ZNRF3: variants seen among roughly 807,000 people sequenced by gnomAD.
The protein encoded by ZNRF3 is E3 ubiquitin-protein ligase ZNRF3.
ZNRF3 carries 23 observed loss-of-function variants against 72.5 expected under a neutral mutation model. The observed-to-expected ratio is 0.32, with a 90% CI of 0.23 to 0.45. The LOEUF (loss-of-function observed/expected upper bound fraction) is 0.45, where lower values mean the gene tolerates loss of function less well. Among genes scored for constraint, ZNRF3 ranks in the 20% least tolerant of loss-of-function variants. ZNRF3 has a pLI of 1.00. For synonymous variants in ZNRF3, 610 were observed against 545.3 expected, an observed-to-expected ratio of 1.12 and a Z score of -1.65; for missense variants, 1,169 against 1,272.1, an observed-to-expected ratio of 0.92 and a Z score of 1.23.
chr22:28,942,420 A>T (rs891087984), intron 1 of ZNRF3, among the ~76,000 whole-genome samples: 4 of 152,182 alleles, frequency 2.6e-5, no homozygotes, highest in African/African-American at 7.2e-5. Flanking sequence ...TAAGTGACAA[A>T]TGCAAGCTTT....
chr22:29,046,491 G>T (rs2037072435), intron 5 of ZNRF3, among the ~76,000 whole-genome samples: 1 of 152,170 alleles, frequency 6.6e-6, no homozygotes, highest in African/African-American at 2.4e-5. Flanking sequence ...AGAGACCCCT[G>T]CTAGTCTTGC....
At chr22:29,006,460 C>T (rs1306984898) in intron 2 of ZNRF3, among the ~76,000 whole-genome samples, 1 of 152,138 alleles carries the variant, frequency 6.6e-6, no homozygotes, top group Admixed American at 6.5e-5. Flanking sequence ...GATCTGCCTG[C>T]CTCGTCCTCC....
rs2034071276 is a variant in ZNRF3 at position 28,899,835 on chromosome 22, G to A, written c.300+15769G>A. ...CTCCCAAGTAGCTGGGACCACAGGC[G>A]TGCACCACCATGCCCAGCTAATTTT... On this transcript the variant is annotated intron_variant, in intron 1 of 8. Coordinates refer to ENST00000544604, the MANE Select transcript of ZNRF3 (RefSeq NM_001206998.2). Among the ~76,000 whole-genome samples, 5 of 151,824 alleles carry A rather than the reference G, an allele frequency of 3.3e-5. No homozygotes were observed. In the South Asian group the frequency reaches 6.3e-4, roughly 19 times the overall value.
intron 1 of ZNRF3, among the ~76,000 whole-genome samples, chr22:28,898,889 A>G (rs1012678495): frequency 7.4e-5 from 11 of 148,168 alleles, no homozygotes; most frequent in South Asian, 2.1e-4. Context: ...GAAATTATTG[A>G]ATTATTGCTT....
intron 1 of ZNRF3, among the ~76,000 whole-genome samples, chr22:28,982,398 G>C (rs939766362): frequency 6.9e-5 from 9 of 131,086 alleles, no homozygotes; most frequent in Admixed American, 2.6e-4. Flanking sequence ...AGGAGTTCAA[G>C]ACCAGCCTGG....
intron 1 of ZNRF3, among the ~76,000 whole-genome samples, chr22:28,942,004 G>A (rs1344275876): frequency 6.6e-6 from 1 of 152,158 alleles, no homozygotes; most frequent in African/African-American, 2.4e-5. Flanking sequence ...AAACCAGACT[G>A]CATAAGTCTT....
intron 1 of ZNRF3, among the ~76,000 whole-genome samples, chr22:28,985,577 C>T (rs1248849068): frequency 1.3e-5 from 2 of 152,186 alleles, no homozygotes; most frequent in African/African-American, 4.8e-5. Flanking sequence ...TAGTCTTTCC[C>T]TGTCAGATGG....
At chr22:29,010,348 A>G (rs1601660512) in intron 2 of ZNRF3, among the ~76,000 whole-genome samples, 1 of 151,832 alleles carries the variant, frequency 6.6e-6, no homozygotes, top group South Asian at 2.1e-4. Context: ...GGAGTCGTGT[A>G]TTTGTCCTTT....
chr22:28,959,101 C>G (rs992154394), intron 1 of ZNRF3, among the ~76,000 whole-genome samples: 19 of 152,192 alleles, frequency 1.2e-4, no homozygotes, highest in Non-Finnish European at 2.8e-4. Context: ...GGTGAGAATT[C>G]TGGTTTTGTT....
At chr22:29,001,730 C>T (rs894198558) in intron 2 of ZNRF3, among the ~76,000 whole-genome samples, 1 of 152,170 alleles carries the variant, frequency 6.6e-6, no homozygotes, top group African/African-American at 2.4e-5. Flanking sequence ...ACCTTGGCCT[C>T]CCAAAGTGCT....
At chr22:28,900,788 C>T (rs867271439) in intron 1 of ZNRF3, among the ~76,000 whole-genome samples, 8 of 152,274 alleles carry the variant, frequency 5.3e-5, no homozygotes, top group Middle Eastern at 3.4e-3. Context: ...AACCTCCTTC[C>T]GGGCAGGGTT....
intron 1 of ZNRF3, among the ~76,000 whole-genome samples, chr22:28,940,014 G>A (rs1402619775): frequency 6.6e-6 from 1 of 152,160 alleles, no homozygotes. Context: ...TCACTGTGAG[G>A]AAAGATTTAT....
At chr22:29,022,143 AT>A (rs2036552863) in intron 2 of ZNRF3, among the ~76,000 whole-genome samples, 1 of 152,240 alleles carries the variant, frequency 6.6e-6, no homozygotes, top group South Asian at 2.1e-4. Context: ...CAGCATAATT[AT>A]TTTGAGATAC....
chr22:29,036,261 G>A (rs944855752), intron 2 of ZNRF3, among the ~76,000 whole-genome samples: 2 of 152,122 alleles, frequency 1.3e-5, no homozygotes, highest in African/African-American at 4.8e-5. Context: ...TACAGAAGTG[G>A]TAAACAACAA....
At chr22:28,896,462 C>T (rs556912023) in intron 1 of ZNRF3, among the ~76,000 whole-genome samples, 1 of 152,266 alleles carries the variant, frequency 6.6e-6, no homozygotes, top group Non-Finnish European at 1.5e-5. Context: ...CAGGGTTTCG[C>T]CATGTTGGCC....
rs375723111 is a variant in ZNRF3 at position 29,048,471 on chromosome 22, A to G, written c.995A>G (p.His332Arg). 1.3e-5 allele frequency: 21 copies of G among 1,613,924 alleles called. No individual in the cohort carries two copies. Among genetic ancestry groups the G allele is most frequent in the Non-Finnish European group, 1.6e-5 (19 of 1,179,984 alleles). Residue 332 changes from histidine (H) to arginine (R), a missense_variant, in exon 7 of 9, where the codon CAC becomes CGC. Coordinates refer to ENST00000544604, the MANE Select transcript of ZNRF3 (RefSeq NM_001206998.2). The surrounding 1 kb of genome is among the most constrained non-coding windows in gnomAD (Gnocchi z 4.9). ...CTGCTGCAGCACCACACCTGCCCCCACTGTCGGCACAACATCATAGGTAAC... is the reference window on the plus strand; with the variant it reads ...CTGCTGCAGCACCACACCTGCCCCCGCTGTCGGCACAACATCATAGGTAAC... ...PWLLQHHTCPHCRHNIIEQKG... is the reference protein window; with the variant it reads ...PWLLQHHTCPRCRHNIIEQKG...
At chr22:28,933,773 CTCT>C (rs529383943) in intron 1 of ZNRF3, among the ~76,000 whole-genome samples, 1 of 132,464 alleles carries the variant, frequency 7.5e-6, no homozygotes, top group African/African-American at 2.9e-5. Flanking sequence ...CTCTCTCTCT[CTCT>C]CTCCCCTCCC....
At chr22:28,929,450 A>G (rs1010860803) in intron 1 of ZNRF3, among the ~76,000 whole-genome samples, 1 of 152,184 alleles carries the variant, frequency 6.6e-6, no homozygotes. Context: ...AGTTATGACA[A>G]CTAGAAATGT....
chr22:29,040,293 C>G (rs2036938681), intron 2 of ZNRF3, among the ~76,000 whole-genome samples: 1 of 151,996 alleles, frequency 6.6e-6, no homozygotes, highest in South Asian at 2.1e-4. Flanking sequence ...GATTCTCCTG[C>G]CTCAGCCTCC....
Sources: allele counts gnomAD v4.1 joint callset (sites outside exome capture counted in the v4.1 genomes callset), GRCh38; gene constraint gnomAD v4.1.1; non-coding constraint Gnocchi (gnomAD v3.1); transcripts MANE v1.5; gene names NCBI Gene and HGNC (gene_info 2026-07-23, HGNC 2026-07-21).